Variants in DDX31 observed in about 807,000 individuals in gnomAD.
DDX31 encodes the protein DEAD-box helicase 31.
DDX31 carries 70 observed loss-of-function variants against 91.3 expected under a neutral mutation model. The observed-to-expected ratio is 0.77, with a 90% CI of 0.63 to 0.94. The LOEUF (loss-of-function observed/expected upper bound fraction) is 0.94, where lower values mean the gene tolerates loss of function less well. DDX31 is among the 40% of genes least tolerant of loss of function. The pLI, the probability that DDX31 is intolerant of heterozygous loss-of-function variation, is 0.00. For missense variants in DDX31, 902 were observed against 925.0 expected, an observed-to-expected ratio of 0.98 and a Z score of 0.32; for synonymous variants, 362 against 350.6, an observed-to-expected ratio of 1.03 and a Z score of -0.36.
At chr9:132,626,159 G>C (rs1590018799) in intron 16 of DDX31, among the ~76,000 whole-genome samples, 2 of 149,098 alleles carry the variant, frequency 1.3e-5, no homozygotes, top group Non-Finnish European at 3.0e-5. Flanking sequence ...AAAAAAGGAA[G>C]AAAAGGGTGG....
intron 14 of DDX31, chr9:132,638,166 A>G (rs996018116): frequency 7.2e-7 from 1 of 1,390,780 alleles, no homozygotes. Context: ...CTTTCTGGGA[A>G]AAAGGTGACT....
In DDX31 at chr9:132,612,107, C is replaced by T. The variant is rs764214695; in HGVS notation, c.1974G>A (p.Lys658=). 1 of 1,614,066 alleles carries T rather than the reference C, an allele frequency of 6.2e-7. No individual in the cohort carries two copies. Among genetic ancestry groups the T allele is most frequent in the Non-Finnish European group, 8.5e-7 (1 of 1,179,898 alleles). The stretch of plus-strand genomic sequence containing the variant: ...CTTACCTTTTCACGTGTGCTTTCCT[C>T]TTCTTTCTAGTCAAGGCACTAAGAT... ...PRNLSALTRK[K]RKAHVKRPDL... The change falls in exon 19 of 20, where the codon AAG becomes AAA. Residue 658 remains lysine, a synonymous_variant. Coordinates refer to ENST00000372159, the MANE Select transcript of DDX31 (RefSeq NM_022779.9).
intron 9 of DDX31, among the ~76,000 whole-genome samples, chr9:132,649,293 T>A (rs1267055494): frequency 6.6e-6 from 1 of 152,142 alleles, no homozygotes; most frequent in Non-Finnish European, 1.5e-5. Flanking sequence ...GTCATGTTTG[T>A]TTTAGCAATG....
At chr9:132,642,718 T>C (rs1042466477) in intron 13 of DDX31, among the ~76,000 whole-genome samples, 1 of 152,112 alleles carries the variant, frequency 6.6e-6, no homozygotes, top group Non-Finnish European at 1.5e-5. Flanking sequence ...CATCTCTTCA[T>C]GCCAATAAGT....
rs1831377143 is a variant in DDX31 at position 132,612,140 on chromosome 9, GGCATCTCTTAGTCCGAA to G, written c.1924_1940del (p.Phe642ProfsTer5). ...TAGTCAAGGCACTAAGATTCCTGGG[GGCATCTCTTAGTCCGAA>G]GCTCTTCGCCACATGCCCAAGGTGG... On this transcript the variant is annotated frameshift_variant, in exon 19 of 20. Transcript: ENST00000372159. LOFTEE classifies it high-confidence loss of function. The G allele has an allele frequency of 6.2e-7, 1 of 1,614,072 alleles. No individual in the cohort carries two copies. Among genetic ancestry groups the G allele is most frequent in the African/African-American group, 1.3e-5 (1 of 74,916 alleles).
At chr9:132,634,408 A>T (rs577865426) in intron 14 of DDX31, among the ~76,000 whole-genome samples, 2 of 152,204 alleles carry the variant, frequency 1.3e-5, no homozygotes, top group South Asian at 2.1e-4. Context: ...GAACCATCTG[A>T]AAGTAGGTTG....
chr9:132,632,205 G>A, intron 14 of DDX31, 114 bp from the exon 15 acceptor site: 1 of 481,854 alleles, frequency 2.1e-6, no homozygotes, highest in Non-Finnish European at 3.4e-6. Context: ...CACAGTACAT[G>A]CACATTCGGG....
chr9:132,662,231 C>G (rs754328587), intron 3 of DDX31, 30 bp downstream of exon 3: 1 of 1,612,134 alleles, frequency 6.2e-7, no homozygotes, highest in Non-Finnish European at 8.5e-7. Flanking sequence ...CCAAAAAAAA[C>G]TGACCCAGAA....
At chr9:132,643,793 C>T (rs1268781192) in intron 13 of DDX31, among the ~76,000 whole-genome samples, 1 of 152,076 alleles carries the variant, frequency 6.6e-6, no homozygotes, top group Non-Finnish European at 1.5e-5. Context: ...CAGTCTGCTG[C>T]ACGGTCTTTA....
At chr9:132,641,553 G>C (rs1236694144) in intron 14 of DDX31, among the ~76,000 whole-genome samples, 1 of 152,186 alleles carries the variant, frequency 6.6e-6, no homozygotes, top group East Asian at 1.9e-4. Context: ...GAGGCTGAGG[G>C]AGCAGGCCCT....
At chr9:132,620,446 T>C (rs1296336826) in intron 17 of DDX31, among the ~76,000 whole-genome samples, 2 of 147,792 alleles carry the variant, frequency 1.4e-5, no homozygotes, top group African/African-American at 5.0e-5. Flanking sequence ...TACATATATA[T>C]AATGTGAGTG....
chr9:132,594,774 G>T lies in DDX31; in HGVS notation c.*92C>A. On this transcript the variant is annotated 3_prime_UTR_variant, in exon 20 of 20. Transcript: ENST00000372159. ...GACGTGGTATTCAGGCAAAGGCGCA[G>T]TTATTTTTCACAAGCCTCCTCTGAC... 3 of 1,544,708 alleles carry T rather than the reference G, an allele frequency of 1.9e-6. No individual in the cohort carries two copies. In the South Asian group the frequency reaches 3.8e-5, roughly 20 times the overall value.
chr9:132,649,475 G>A (rs925573041), intron 9 of DDX31, among the ~76,000 whole-genome samples: 2 of 152,202 alleles, frequency 1.3e-5, no homozygotes, highest in Admixed American at 6.5e-5. Flanking sequence ...GGCACAAAAA[G>A]ACAGAAAGAG....
chr9:132,655,757 CTGAATGAA>C (rs535084285), intron 6 of DDX31, among the ~76,000 whole-genome samples: 1 of 152,196 alleles, frequency 6.6e-6, no homozygotes, highest in Non-Finnish European at 1.5e-5. Flanking sequence ...CTCAAAGACA[CTGAATGAA>C]TGAACAAAAC....
chr9:132,643,188 C>T (rs552143429), intron 13 of DDX31, among the ~76,000 whole-genome samples: 1 of 148,264 alleles, frequency 6.7e-6, no homozygotes, highest in South Asian at 2.2e-4. Flanking sequence ...TGTGTAGATT[C>T]TTAATTACTC....
intron 1 of DDX31, among the ~76,000 whole-genome samples, chr9:132,669,263 C>A (rs531888861): frequency 5.3e-4 from 74 of 140,638 alleles, no homozygotes; most frequent in Non-Finnish European, 2.8e-4. Context: ...CCCGCCCCCC[C>A]CAAAGAACAG....
chr9:132,601,733 C>A (rs1396434175), intron 19 of DDX31, among the ~76,000 whole-genome samples: 3 of 152,218 alleles, frequency 2.0e-5, no homozygotes, highest in Non-Finnish European at 4.4e-5. Context: ...GACCAAAATG[C>A]AGCTGGGCCT....
intron 19 of DDX31, among the ~76,000 whole-genome samples, chr9:132,604,973 G>A (rs1394879476): frequency 2.0e-5 from 3 of 152,210 alleles, no homozygotes; most frequent in South Asian, 2.1e-4. Context: ...GGGGAATGCT[G>A]TCCTTCCTGA....
intron 17 of DDX31, among the ~76,000 whole-genome samples, chr9:132,623,078 T>A (rs114221507): frequency 6.7e-6 from 1 of 148,980 alleles, no homozygotes; most frequent in African/African-American, 2.5e-5. Flanking sequence ...TGCAATAAGC[T>A]GAGGTCACGC....
Sources: allele counts gnomAD v4.1 joint callset (sites outside exome capture counted in the v4.1 genomes callset), GRCh38; gene constraint gnomAD v4.1.1; transcripts MANE v1.5; gene names NCBI Gene and HGNC (gene_info 2026-07-23, HGNC 2026-07-21).